NREP: variants seen among roughly 807,000 people sequenced by gnomAD.
NREP encodes the protein neuronal regeneration related protein, also known as neuronal regeneration-related protein.
Under a neutral mutation model 8.6 loss-of-function variants are expected in NREP, and 5 were observed. That is an observed-to-expected ratio of 0.58 (90% CI 0.30 to 1.22). The LOEUF is 1.22. NREP is among the 50% of genes most tolerant of loss of function. The pLI is 0.07. For synonymous variants in NREP, 27 were observed against 28.0 expected (o/e 0.96, Z 0.11); for missense variants, 86 against 82.5 (o/e 1.04, Z -0.17).
At chr5:111,974,314 T>C (rs1209914295) in intron 2 of NREP, 4 of 152,146 alleles carry the variant, frequency 2.6e-5, no homozygotes, top group Non-Finnish European at 5.9e-5. Context: ...AGGCAGCTGG[T>C]GTTACCCTCA....
chr5:111,830,318 T>A (rs868851086), intron 2 of NREP, among the ~76,000 whole-genome samples: 73 of 152,298 alleles, frequency 4.8e-4, no homozygotes, highest in Middle Eastern at 6.8e-3. Flanking sequence ...CAGAAGGAGC[T>A]AACACCCTGG....
intron 1 of NREP, 181 bp from the exon 2 acceptor site, chr5:111,756,011 T>C (rs774399595): frequency 3.6e-5 from 50 of 1,384,886 alleles, no homozygotes; most frequent in Non-Finnish European, 4.3e-5. Context: ...TAGGCTTAAC[T>C]AAGGGACAAA....
At chr5:111,964,855 C>CAAAAAAAAAAAAAAAATAAAAAAAA (rs1756589211) in intron 2 of NREP, among the ~76,000 whole-genome samples, 1 of 44,882 alleles carries the variant, frequency 2.2e-5, no homozygotes, top group Non-Finnish European at 4.6e-5. Flanking sequence ...CTTTCAGCAG[C>CAAAAAAAAAAAAAAAATAAAAAAAA]AAAAAAAAAA....
intron 2 of NREP, among the ~76,000 whole-genome samples, chr5:111,789,252 C>CT (rs1299210976): frequency 6.6e-6 from 1 of 152,116 alleles, no homozygotes; most frequent in African/African-American, 2.4e-5. Context: ...CCAATTGCAG[C>CT]TTTTTTTCTT....
chr5:111,915,218 GGTGAAAGACA>G lies in NREP; in HGVS notation c.135+60046_135+60055del, dbSNP rs538925935. 6.1e-4 allele frequency among the ~76,000 whole-genome samples: 93 copies of G among 152,242 alleles called. 1 individual carries two copies. The highest frequency in any genetic ancestry group is 2.2e-3 in the African/African-American group (93 of 41,564). ...GGGTGGTTTTAAAACAATGATTGAT[GGTGAAAGACA>G]ATGAAAGTCCAGTGTTCTGGCCTCA... On this transcript the variant is annotated intron_variant, in intron 2 of 3. Transcript: ENST00000395634.
At chr5:111,959,739 C>T (rs1335848825) in intron 2 of NREP, among the ~76,000 whole-genome samples, 1 of 151,878 alleles carries the variant, frequency 6.6e-6, no homozygotes, top group Non-Finnish European at 1.5e-5. Flanking sequence ...CTTTAAGAAG[C>T]AATTTATCAT....
intron 2 of NREP, among the ~76,000 whole-genome samples, chr5:111,809,739 C>CT (rs1327163956): frequency 2.0e-5 from 3 of 152,250 alleles, no homozygotes; most frequent in South Asian, 2.1e-4. Flanking sequence ...CTAAATAAAC[C>CT]TTTTTTTAAA....
chr5:111,824,112 T>C (rs1470848514), intron 2 of NREP, among the ~76,000 whole-genome samples: 2 of 152,210 alleles, frequency 1.3e-5, no homozygotes, highest in Non-Finnish European at 2.9e-5. Context: ...GGCTCAAGCC[T>C]GTAATCCCAG....
chr5:111,934,804 G>A (rs1581231901), intron 2 of NREP, among the ~76,000 whole-genome samples: 2 of 152,096 alleles, frequency 1.3e-5, no homozygotes, highest in African/African-American at 4.8e-5. Context: ...GCCTGTCCTG[G>A]AAATATGGAG....
intron 2 of NREP, among the ~76,000 whole-genome samples, chr5:111,852,025 G>A (rs1445693918): frequency 1.3e-5 from 2 of 152,112 alleles, no homozygotes; most frequent in African/African-American, 4.8e-5. Flanking sequence ...AGTAAGAGGC[G>A]GTGCCTTTGG....
chr5:111,780,882 T>C (rs1751477613), intron 2 of NREP, among the ~76,000 whole-genome samples: 1 of 141,818 alleles, frequency 7.1e-6, no homozygotes, highest in South Asian at 2.4e-4. Context: ...GAGTCTATGT[T>C]CCTTCCCACA....
chr5:111,919,869 G>GAGAAAGAA (rs60026643), intron 2 of NREP, among the ~76,000 whole-genome samples: 16,767 of 124,866 alleles, frequency 0.13, 1,277 homozygotes, highest in African/African-American at 0.16. Context: ...CTTGAAGAGA[G>GAGAAAGAA]AGAAAGAAAG....
intron 2 of NREP, among the ~76,000 whole-genome samples, chr5:111,830,432 A>G (rs1218029114): frequency 6.6e-6 from 1 of 152,228 alleles, no homozygotes; most frequent in Non-Finnish European, 1.5e-5. Context: ...CCCAGAGGAA[A>G]ACATTGTGGC....
intron 2 of NREP, among the ~76,000 whole-genome samples, chr5:111,829,677 T>G (rs761579361): frequency 6.6e-6 from 1 of 152,214 alleles, no homozygotes; most frequent in Non-Finnish European, 1.5e-5. Flanking sequence ...ACCTGGTATC[T>G]GACTCTCAGT....
chr5:111,855,215 C>G (rs1172515283), intron 2 of NREP, among the ~76,000 whole-genome samples: 4 of 152,146 alleles, frequency 2.6e-5, no homozygotes, highest in Non-Finnish European at 5.9e-5. Context: ...TGGTTAAAAA[C>G]ATAGGATCTG....
At chr5:111,810,980 G>T (rs371050297) in intron 2 of NREP, among the ~76,000 whole-genome samples, 1 of 152,048 alleles carries the variant, frequency 6.6e-6, no homozygotes, top group Non-Finnish European at 1.5e-5. Flanking sequence ...TTGATTCCTG[G>T]TGCTCACTGG....
intron 2 of NREP, among the ~76,000 whole-genome samples, chr5:111,907,656 C>T (rs1754810415): frequency 6.6e-6 from 1 of 152,022 alleles, no homozygotes; most frequent in South Asian, 2.1e-4. Context: ...TTACTCTAAA[C>T]TTTTACTTCT....
At chr5:111,863,971 A>T (rs1443487340) in intron 2 of NREP, among the ~76,000 whole-genome samples, 1 of 152,122 alleles carries the variant, frequency 6.6e-6, no homozygotes, top group Non-Finnish European at 1.5e-5. Context: ...GCACAGCATC[A>T]TTACTGCTAT....
At chr5:111,895,629 C>T (rs1256538737) in intron 2 of NREP, among the ~76,000 whole-genome samples, 1 of 152,002 alleles carries the variant, frequency 6.6e-6, no homozygotes, top group East Asian at 1.9e-4. Context: ...TGGGTTACTA[C>T]CCAAGTTGTC....
Sources: gnomAD v4.1 joint callset for allele counts (sites outside exome capture counted in the v4.1 genomes callset) on GRCh38, gnomAD v4.1.1 for gene constraint, MANE v1.5 for transcripts, NCBI Gene and HGNC (gene_info 2026-07-23, HGNC 2026-07-21) for gene names.